The following PTPRZ1 variants were observed in gnomAD, a reference collection of about 807,000 sequenced individuals.
PTPRZ1 encodes receptor-type tyrosine-protein phosphatase zeta.
A neutral mutation model predicts 214.1 loss-of-function variants in PTPRZ1; 82 were observed. The observed-to-expected ratio is 0.38, with a 90% CI of 0.32 to 0.46. The LOEUF (loss-of-function observed/expected upper bound fraction) is 0.46, where lower values mean the gene tolerates loss of function less well. Ranked by LOEUF, PTPRZ1 falls within the 20% of genes least tolerant of loss-of-function variation. PTPRZ1 has a pLI of 1.00. For missense variants in PTPRZ1, 2,603 were observed against 2,748.7 expected, an observed-to-expected ratio of 0.95 and a Z score of 1.19; for synonymous variants, 945 against 987.9, an observed-to-expected ratio of 0.96 and a Z score of 0.81.
chr7:122,051,334 G>GGTGT (rs112292518), intron 23 of PTPRZ1, 94 bp from the exon 24 acceptor site: 2 of 682,530 alleles, frequency 2.9e-6, no homozygotes, highest in Admixed American at 2.8e-5. Context: ...TATCTTGATT[G>GGTGT]GTGTGTGTGT....
Position 122,036,673 on chromosome 7 carries a change from T to C in PTPRZ1, c.5358T>C (p.Asn1786=), listed in dbSNP as rs1799550019. ...AACTGACTGATTATATCAATGCCAA[T>C]TATGTTGATGTAAGCATGTTTTAAT... The part of the protein sequence containing the change: ...DGKLTDYINA[N]YVDGYNRPKA... Residue 1786 remains asparagine (N), a synonymous_variant, in exon 18 of 30, where the codon AAT becomes AAC. Coordinates refer to ENST00000393386, the MANE Select transcript of PTPRZ1 (RefSeq NM_002851.3). 2 of 1,599,398 alleles carry C rather than the reference T, an allele frequency of 1.3e-6. No individual in the cohort carries two copies. The highest frequency in any genetic ancestry group is 1.7e-6 in the Non-Finnish European group (2 of 1,166,862).
chr7:121,980,569 C>T (rs1359112996), intron 6 of PTPRZ1, among the ~76,000 whole-genome samples: 2 of 152,114 alleles, frequency 1.3e-5, no homozygotes, highest in Non-Finnish European at 1.5e-5. Flanking sequence ...GACATATTGA[C>T]GTGACTATCA....
rs879032183 is a variant in PTPRZ1, at chr7:121,873,325, C to G, written c.-175C>G. The G allele has an allele frequency of 1.8e-6, 1 of 561,172 alleles. No homozygotes were observed. The highest frequency in any genetic ancestry group is 3.0e-6 in the Non-Finnish European group (1 of 328,060). 34.8% of individuals were successfully genotyped at this position (561,172 alleles called of 1,614,324 possible). On this transcript the variant is annotated 5_prime_UTR_variant, in exon 1 of 30. Coordinates refer to ENST00000393386, the MANE Select transcript of PTPRZ1 (RefSeq NM_002851.3). ...TCTGTCTCTGTCTCTGTCTCTCTCT[C>G]TCTCACACACACACACACACACACA...
intron 2 of PTPRZ1, among the ~76,000 whole-genome samples, chr7:121,953,981 A>T (rs943470418): frequency 1.4e-4 from 22 of 152,184 alleles, no homozygotes; most frequent in African/African-American, 4.8e-4. Context: ...CAAAGTGATC[A>T]TTCATCCATT....
In PTPRZ1 at chr7:121,924,479, G is replaced by C. The variant is rs1584643749; in HGVS notation, c.59-3677G>C. ...ACGGATTGTTTGAAGTAACAATTAA[G>C]GGAACAATACATAAAGGAACTGAAG... On this transcript the variant is annotated intron_variant, in intron 1 of 29. Coordinates refer to ENST00000393386, the MANE Select transcript of PTPRZ1 (RefSeq NM_002851.3). Among the ~76,000 whole-genome samples the C allele has an allele frequency of 2.0e-5, 3 of 152,074 alleles. No individual in the cohort carries two copies. The East Asian group carries it at 5.8e-4, about 29-fold the overall frequency.
chr7:121,944,763 C>G (rs925200718), intron 2 of PTPRZ1, among the ~76,000 whole-genome samples: 1 of 152,070 alleles, frequency 6.6e-6, no homozygotes, highest in African/African-American at 2.4e-5. Flanking sequence ...CTGCCTCAGC[C>G]TCCCGAGTAG....
At chr7:121,957,567 C>G (rs949432404) in intron 2 of PTPRZ1, among the ~76,000 whole-genome samples, 4 of 152,204 alleles carry the variant, frequency 2.6e-5, no homozygotes, top group Non-Finnish European at 4.4e-5. Context: ...CTGCTCCTCC[C>G]TTGCAGTGAA....
chr7:122,001,940 T>C (rs1798338772), intron 10 of PTPRZ1, among the ~76,000 whole-genome samples: 1 of 152,194 alleles, frequency 6.6e-6, no homozygotes, highest in South Asian at 2.1e-4. Flanking sequence ...AGTATAATTT[T>C]TGAACTATTT....
intron 1 of PTPRZ1, among the ~76,000 whole-genome samples, chr7:121,885,392 C>T (rs779664767): frequency 6.6e-6 from 1 of 152,092 alleles, no homozygotes; most frequent in Non-Finnish European, 1.5e-5. Flanking sequence ...GATGGCAATG[C>T]TGTCTGAAAA....
intron 1 of PTPRZ1, among the ~76,000 whole-genome samples, chr7:121,906,719 C>T (rs1010423683): frequency 5.3e-5 from 8 of 152,118 alleles, no homozygotes; most frequent in South Asian, 2.1e-4. Context: ...GACTACACGT[C>T]AAAGATGTTA....
chr7:121,995,317 GGT>G (rs1421763655), intron 8 of PTPRZ1, among the ~76,000 whole-genome samples: 3 of 152,124 alleles, frequency 2.0e-5, no homozygotes, highest in Non-Finnish European at 4.4e-5. Flanking sequence ...TGTAACTTCA[GGT>G]GTCACCTGAA....
At position 122,014,462 on chromosome 7, in the gene PTPRZ1, G is replaced by A. The variant is rs533580458; in HGVS notation, c.4843+573G>A. 7.6e-4 allele frequency among the ~76,000 whole-genome samples: 116 copies of A among 151,702 alleles called. 2 individuals carry two copies. The South Asian group carries it at 0.021, about 28-fold the overall frequency. On this transcript the variant is annotated intron_variant, in intron 12 of 29. Coordinates refer to ENST00000393386, the MANE Select transcript of PTPRZ1 (RefSeq NM_002851.3). ...TTAATTAATTAATTAATTTTGAGACGGAGTCTCGCTCTGTCGCCCAGGCTG... is the reference window on the plus strand; with the variant it reads ...TTAATTAATTAATTAATTTTGAGACAGAGTCTCGCTCTGTCGCCCAGGCTG...
chr7:121,934,259 A>G (rs566716910), intron 2 of PTPRZ1, among the ~76,000 whole-genome samples: 1 of 152,290 alleles, frequency 6.6e-6, no homozygotes, highest in African/African-American at 2.4e-5. Context: ...CAAGAACCGT[A>G]GCTTCGTGTA....
chr7:122,035,543 A>G (rs1799510602), intron 17 of PTPRZ1, among the ~76,000 whole-genome samples: 2 of 152,234 alleles, frequency 1.3e-5, no homozygotes, highest in Non-Finnish European at 2.9e-5. Flanking sequence ...TGAAACAACC[A>G]GGCAAGATAG....
At chr7:121,962,431 G>A (rs954685091) in intron 2 of PTPRZ1, among the ~76,000 whole-genome samples, 2 of 146,454 alleles carry the variant, frequency 1.4e-5, no homozygotes. Flanking sequence ...CTGGGCAATA[G>A]AGAGATGCTC....
chr7:122,017,505 T>A (rs554553671), intron 12 of PTPRZ1, among the ~76,000 whole-genome samples: 24 of 151,992 alleles, frequency 1.6e-4, no homozygotes, highest in South Asian at 4.2e-4. Flanking sequence ...TCTTGGGAAG[T>A]GTGTGTGCCA....
chr7:121,886,463 A>AACACACACACAC (rs148244179), intron 1 of PTPRZ1, among the ~76,000 whole-genome samples: 45 of 148,034 alleles, frequency 3.0e-4, no homozygotes, highest in East Asian at 6.0e-4. Context: ...TATTAAATGT[A>AACACACACACAC]ACACACACAC....
chr7:121,894,201 G>A (rs58207780), intron 1 of PTPRZ1, among the ~76,000 whole-genome samples: 11 of 152,066 alleles, frequency 7.2e-5, no homozygotes, highest in Non-Finnish European at 1.6e-4. Flanking sequence ...AGCAGTATAC[G>A]GAAGGACCCC....
chr7:121,928,735 T>A (rs1444705520), intron 2 of PTPRZ1, among the ~76,000 whole-genome samples: 1 of 152,192 alleles, frequency 6.6e-6, no homozygotes, highest in African/African-American at 2.4e-5. Context: ...TTTATTGGTG[T>A]TAGAGTAAAA....
Sources: gnomAD v4.1 joint callset for allele counts (sites outside exome capture counted in the v4.1 genomes callset) on GRCh38, gnomAD v4.1.1 for gene constraint, MANE v1.5 for transcripts, NCBI Gene and HGNC (gene_info 2026-07-23, HGNC 2026-07-21) for gene names.